Variants in TLN2 observed in about 807,000 individuals in gnomAD.
TLN2 encodes the protein talin-2.
Under a neutral mutation model 294.7 loss-of-function variants are expected in TLN2, and 118 were observed. That is an observed-to-expected ratio of 0.40 (90% CI 0.34 to 0.47). The LOEUF (loss-of-function observed/expected upper bound fraction) is 0.47. TLN2 is among the 20% of genes least tolerant of loss of function. The pLI, the probability that TLN2 is intolerant of heterozygous loss-of-function variation, is 0.84. For missense variants in TLN2, 3,083 were observed against 3,282.2 expected, an observed-to-expected ratio of 0.94 and a Z score of 1.48; for synonymous variants, 1,431 against 1,304.5, an observed-to-expected ratio of 1.10 and a Z score of -2.09.
intron 1 of TLN2, among the ~76,000 whole-genome samples, chr15:62,541,788 C>G (rs547220393): frequency 6.6e-6 from 1 of 151,990 alleles, no homozygotes; most frequent in Non-Finnish European, 1.5e-5. Flanking sequence ...GTATGTGAAT[C>G]TGTGAGCCCA....
chr15:62,455,604 A>G (rs2036431246), intron 1 of TLN2, among the ~76,000 whole-genome samples: 1 of 152,154 alleles, frequency 6.6e-6, no homozygotes, highest in African/African-American at 2.4e-5. Context: ...GGTTACCACT[A>G]TGCCAGAGTG....
At chr15:62,500,341 A>AAAAT (rs1214106969) in intron 1 of TLN2, among the ~76,000 whole-genome samples, 2 of 152,164 alleles carry the variant, frequency 1.3e-5, no homozygotes, top group Non-Finnish European at 1.5e-5. Flanking sequence ...TCCATCTCAA[A>AAAAT]AAATAAATAA....
intron 1 of TLN2, among the ~76,000 whole-genome samples, chr15:62,514,589 A>G (rs2040093024): frequency 6.6e-6 from 1 of 152,322 alleles, no homozygotes; most frequent in Non-Finnish European, 1.5e-5. Flanking sequence ...GTTCATGGGC[A>G]TTGACTTTTG....
chr15:62,747,125 G>T (rs1432101269), intron 32 of TLN2, among the ~76,000 whole-genome samples: 4 of 152,280 alleles, frequency 2.6e-5, no homozygotes, highest in East Asian at 1.9e-4. Context: ...TATACAAAAA[G>T]TTAACTACGA....
intron 52 of TLN2, among the ~76,000 whole-genome samples, chr15:62,817,306 C>A (rs1354202600): frequency 6.6e-6 from 1 of 152,324 alleles, no homozygotes; most frequent in African/African-American, 2.4e-5. Flanking sequence ...GTTTGCTTTT[C>A]ACTCATTAAT....
intron 1 of TLN2, among the ~76,000 whole-genome samples, chr15:62,400,112 CGAGATCTGAT>C (rs2032910986): frequency 6.6e-6 from 1 of 152,162 alleles, no homozygotes; most frequent in Non-Finnish European, 1.5e-5. Context: ...TGAGATCTCA[CGAGATCTGAT>C]GGTTTTATGA....
At chr15:62,558,182 G>A (rs532718758) in intron 1 of TLN2, among the ~76,000 whole-genome samples, 1 of 152,266 alleles carries the variant, frequency 6.6e-6, no homozygotes, top group South Asian at 2.1e-4. Context: ...CATAACTGTG[G>A]ACATTTTGTA....
At chr15:62,399,200 G>A (rs1196117082) in intron 1 of TLN2, among the ~76,000 whole-genome samples, 1 of 133,580 alleles carries the variant, frequency 7.5e-6, no homozygotes, top group Non-Finnish European at 1.5e-5. Flanking sequence ...GTATAGAAAT[G>A]CCTGGATGCG....
intron 1 of TLN2, among the ~76,000 whole-genome samples, chr15:62,507,630 C>G (rs1235940218): frequency 6.6e-6 from 1 of 152,236 alleles, no homozygotes; most frequent in Non-Finnish European, 1.5e-5. Context: ...TGCCCATGAG[C>G]TTGAGTTAGT....
chr15:62,722,167 A>G (rs895526257), intron 25 of TLN2, among the ~76,000 whole-genome samples, 186 bp from the exon 26 acceptor site: 14 of 152,028 alleles, frequency 9.2e-5, no homozygotes, highest in Non-Finnish European at 2.1e-4. Flanking sequence ...AAACATTCCT[A>G]GAAGGTACTG....
At chr15:62,694,516 T>A in intron 14 of TLN2, 124 bp downstream of exon 14, 1 of 732,640 alleles carries the variant, frequency 1.4e-6, no homozygotes, top group Admixed American at 2.5e-5. Context: ...GATGATATAG[T>A]TGAATCTTCT....
At chr15:62,410,312 C>A (rs1400329937) in intron 1 of TLN2, among the ~76,000 whole-genome samples, 1 of 152,026 alleles carries the variant, frequency 6.6e-6, no homozygotes, top group Non-Finnish European at 1.5e-5. Context: ...ATACTCACAT[C>A]ATTTTATATA....
chr15:62,714,063 G>T (rs988750295), intron 22 of TLN2, among the ~76,000 whole-genome samples: 11 of 151,216 alleles, frequency 7.3e-5, no homozygotes, highest in African/African-American at 2.7e-4. Flanking sequence ...AAAATTACTT[G>T]GTAGGTTGGA....
intron 1 of TLN2, among the ~76,000 whole-genome samples, chr15:62,409,203 G>A (rs950111735): frequency 4.0e-5 from 6 of 151,660 alleles, no homozygotes; most frequent in African/African-American, 1.2e-4. Context: ...TAACTCCTGA[G>A]CTCAAGCCTT....
At chr15:62,808,219 CT>C (rs2066428959) in intron 51 of TLN2, among the ~76,000 whole-genome samples, 1 of 152,152 alleles carries the variant, frequency 6.6e-6, no homozygotes, top group African/African-American at 2.4e-5. Context: ...TCTTTCTAGT[CT>C]TACTTTCATT....
intron 1 of TLN2, among the ~76,000 whole-genome samples, chr15:62,500,171 T>A (rs925416893): frequency 1.3e-4 from 19 of 151,824 alleles, no homozygotes; most frequent in Admixed American, 1.0e-3. Flanking sequence ...ACCCGGTCTT[T>A]ACTAAAAAAT....
chr15:62,754,236 A>T (rs563610019), intron 36 of TLN2: 2 of 207,702 alleles, frequency 9.6e-6, no homozygotes, highest in East Asian at 2.3e-4. Context: ...TAAGGGTTCA[A>T]TGTGCGCAGG....
chr15:62,727,717 G>T (rs374362791), intron 28 of TLN2, among the ~76,000 whole-genome samples: 1 of 152,224 alleles, frequency 6.6e-6, no homozygotes, highest in South Asian at 2.1e-4. Flanking sequence ...GGAACAGATT[G>T]CACAATCATC....
chr15:62,490,673 C>T, intron 1 of TLN2, among the ~76,000 whole-genome samples: 1 of 152,152 alleles, frequency 6.6e-6, no homozygotes, highest in Admixed American at 6.5e-5. Context: ...CTATATGTCA[C>T]TTGCTGTTCT....
Sources: gnomAD v4.1 joint callset for allele counts (sites outside exome capture counted in the v4.1 genomes callset) on GRCh38, gnomAD v4.1.1 for gene constraint, MANE v1.5 for transcripts, NCBI Gene and HGNC (gene_info 2026-07-23, HGNC 2026-07-21) for gene names.